Variants in SLC4A10 observed in about 807,000 individuals in gnomAD.
SLC4A10 encodes the protein solute carrier family 4 member 10, also known as sodium-driven chloride bicarbonate exchanger.
In SLC4A10, 42 loss-of-function variants were observed where a neutral mutation model predicts 137.7. The observed-to-expected ratio is 0.30, with a 90% CI of 0.24 to 0.39. The LOEUF is 0.39. SLC4A10 is among the 10% of genes least tolerant of loss of function. The probability of loss-of-function intolerance (pLI) is 1.00; values close to 1 mark genes in which losing one functional copy is unlikely to be tolerated. For synonymous variants in SLC4A10, 474 were observed against 464.1 expected, an observed-to-expected ratio of 1.02 and a Z score of -0.27; for missense variants, 925 against 1,355.0, an observed-to-expected ratio of 0.68 and a Z score of 4.98.
At chr2:161,810,426 G>T (rs2056428504) in intron 3 of SLC4A10, among the ~76,000 whole-genome samples, 1 of 152,084 alleles carries the variant, frequency 6.6e-6, no homozygotes, top group East Asian at 1.9e-4. Flanking sequence ...GTAAGAGTAG[G>T]CATCACTTTC....
rs555424507 is a variant in SLC4A10 at position 161,802,966 on chromosome 2, G to A, written c.131-1483G>A. Among the ~76,000 whole-genome samples, 7 of 152,108 alleles carry A rather than the reference G, an allele frequency of 4.6e-5. No homozygotes were observed. In the East Asian group the frequency reaches 1.3e-3, roughly 29 times the overall value. On this transcript the variant is annotated intron_variant, in intron 2 of 26. Transcript: ENST00000446997. Reference sequence around the variant, plus strand: ...GTTGGGACTTTAAAATATAAACCTCGGGGGACATAAGCCTTCATCCACAGT... The same window carrying A: ...GTTGGGACTTTAAAATATAAACCTCAGGGGACATAAGCCTTCATCCACAGT...
At chr2:161,845,240 T>C (rs2125815318) in intron 4 of SLC4A10, among the ~76,000 whole-genome samples, 1 of 152,292 alleles carries the variant, frequency 6.6e-6, no homozygotes, top group Non-Finnish European at 1.5e-5. Flanking sequence ...TATGTATTTA[T>C]GTGTATGTAT....
At chr2:161,842,613 C>T (rs2059250597) in intron 4 of SLC4A10, among the ~76,000 whole-genome samples, 1 of 151,720 alleles carries the variant, frequency 6.6e-6, no homozygotes, top group South Asian at 2.1e-4. Context: ...CATAAGTTTC[C>T]TCATGATGTT....
intron 19 of SLC4A10, among the ~76,000 whole-genome samples, chr2:161,953,583 G>A (rs1395216954): frequency 6.6e-6 from 1 of 151,852 alleles, no homozygotes; most frequent in African/African-American, 2.4e-5. Context: ...ACCCTGGCCT[G>A]GGCGACAGGG....
At chr2:161,847,638 C>G (rs2059584938) in intron 4 of SLC4A10, among the ~76,000 whole-genome samples, 1 of 152,156 alleles carries the variant, frequency 6.6e-6, no homozygotes. Context: ...ATTTAGTTTT[C>G]TGTTCCTGCA....
intron 2 of SLC4A10, among the ~76,000 whole-genome samples, chr2:161,782,089 A>G (rs2053095714): frequency 1.3e-5 from 2 of 152,056 alleles, no homozygotes; most frequent in South Asian, 2.1e-4. Flanking sequence ...GGTAGCCACC[A>G]TAGCTTTTCC....
chr2:161,738,205 G>A (rs2047536457), intron 1 of SLC4A10, among the ~76,000 whole-genome samples: 1 of 152,168 alleles, frequency 6.6e-6, no homozygotes, highest in Non-Finnish European at 1.5e-5. Context: ...TGGGCTGGAA[G>A]GTACTTCTTT....
intron 15 of SLC4A10, among the ~76,000 whole-genome samples, chr2:161,909,487 C>G (rs1189857829): frequency 2.6e-5 from 4 of 152,150 alleles, no homozygotes; most frequent in Non-Finnish European, 5.9e-5. Flanking sequence ...TCCTTATGGG[C>G]ATGAGGTTTT....
chr2:161,754,391 A>G (rs952846361), intron 1 of SLC4A10, among the ~76,000 whole-genome samples: 5 of 152,180 alleles, frequency 3.3e-5, no homozygotes, highest in African/African-American at 1.2e-4. Context: ...GGAACCATGA[A>G]CAACAAAATT....
At chr2:161,670,988 T>A (rs967348502) in intron 1 of SLC4A10, among the ~76,000 whole-genome samples, 1 of 152,160 alleles carries the variant, frequency 6.6e-6, no homozygotes, top group African/African-American at 2.4e-5. Flanking sequence ...TTTCTTCGTA[T>A]CTTTTCCCCA....
intron 15 of SLC4A10, among the ~76,000 whole-genome samples, chr2:161,940,251 A>G (rs1410972826): frequency 6.6e-6 from 1 of 152,188 alleles, no homozygotes; most frequent in Non-Finnish European, 1.5e-5. Context: ...CTCAGCTTCC[A>G]GTTGAGGCCA....
At chr2:161,736,690 T>C (rs1045683959) in intron 1 of SLC4A10, among the ~76,000 whole-genome samples, 1 of 152,080 alleles carries the variant, frequency 6.6e-6, no homozygotes, top group Non-Finnish European at 1.5e-5. Flanking sequence ...ATTAGGTCCC[T>C]CCCATGACAC....
intron 2 of SLC4A10, among the ~76,000 whole-genome samples, chr2:161,781,140 A>G (rs954724304): frequency 6.6e-5 from 10 of 152,136 alleles, no homozygotes; most frequent in Admixed American, 2.0e-4. Flanking sequence ...CAGAACCACA[A>G]ATTTTCAAAG....
At chr2:161,742,008 TCTC>T (rs1280770471) in intron 1 of SLC4A10, among the ~76,000 whole-genome samples, 2 of 152,196 alleles carry the variant, frequency 1.3e-5, no homozygotes, top group African/African-American at 2.4e-5. Flanking sequence ...TAGCTATCAT[TCTC>T]CTCTCTATCT....
At chr2:161,778,715 G>A (rs1470580385) in intron 2 of SLC4A10, among the ~76,000 whole-genome samples, 1 of 151,724 alleles carries the variant, frequency 6.6e-6, no homozygotes, top group Non-Finnish European at 1.5e-5. Flanking sequence ...TAACTTTAAT[G>A]AAAAAGTTAA....
intron 15 of SLC4A10, among the ~76,000 whole-genome samples, chr2:161,908,224 A>G (rs1684906221): frequency 6.6e-6 from 1 of 152,160 alleles, no homozygotes; most frequent in Non-Finnish European, 1.5e-5. Context: ...CAAGAAATGT[A>G]TCACAAAGTC....
intron 1 of SLC4A10, among the ~76,000 whole-genome samples, chr2:161,653,816 A>C (rs1007545369): frequency 2.6e-5 from 4 of 152,254 alleles, no homozygotes; most frequent in Non-Finnish European, 4.4e-5. Flanking sequence ...TTGATTCCGC[A>C]TCATGGATAC....
At chr2:161,667,333 A>G (rs1300519289) in intron 1 of SLC4A10, among the ~76,000 whole-genome samples, 1 of 151,720 alleles carries the variant, frequency 6.6e-6, no homozygotes, top group Non-Finnish European at 1.5e-5. Flanking sequence ...AGGTGCTGGT[A>G]AAACAGAAGT....
intron 15 of SLC4A10, among the ~76,000 whole-genome samples, chr2:161,934,554 T>C (rs1191965147): frequency 6.6e-6 from 1 of 152,196 alleles, no homozygotes; most frequent in Non-Finnish European, 1.5e-5. Flanking sequence ...ACATTTTCCT[T>C]ATTCATTCAT....
Sources: allele counts gnomAD v4.1 joint callset (sites outside exome capture counted in the v4.1 genomes callset), GRCh38; gene constraint gnomAD v4.1.1; transcripts MANE v1.5; gene names NCBI Gene and HGNC (gene_info 2026-07-23, HGNC 2026-07-21).